The following KIAA1217 variants were observed in gnomAD, a reference collection of about 807,000 sequenced individuals.
The protein encoded by KIAA1217 is sickle tail protein homolog.
Under a neutral mutation model 163.9 loss-of-function variants are expected in KIAA1217, and 88 were observed. The ratio of observed to expected loss-of-function variants is 0.54; its 90% CI spans 0.45 to 0.64. The LOEUF (loss-of-function observed/expected upper bound fraction) is 0.64, where lower values mean the gene tolerates loss of function less well. Ranked by LOEUF, KIAA1217 falls within the 30% of genes least tolerant of loss-of-function variation. KIAA1217 has a pLI of 0.00. For synonymous variants in KIAA1217, 903 were observed against 923.1 expected, an observed-to-expected ratio of 0.98 and a Z score of 0.39; for missense variants, 2,372 against 2,475.0, an observed-to-expected ratio of 0.96 and a Z score of 0.88.
intron 1 of KIAA1217, among the ~76,000 whole-genome samples, chr10:23,734,547 C>T (rs528931837): frequency 6.6e-6 from 1 of 151,908 alleles, no homozygotes; most frequent in African/African-American, 2.4e-5. Flanking sequence ...CCTTGGCCTC[C>T]GAGAATGCTG....
intron 3 of KIAA1217, among the ~76,000 whole-genome samples, chr10:24,411,892 G>A (rs1200676042): frequency 6.6e-6 from 1 of 152,016 alleles, no homozygotes; most frequent in East Asian, 1.9e-4. Context: ...CGATCAGTAG[G>A]AAATCGCTAA....
intron 2 of KIAA1217, among the ~76,000 whole-genome samples, chr10:24,184,257 C>T (rs1321540158): frequency 6.6e-6 from 1 of 152,146 alleles, no homozygotes; most frequent in African/African-American, 2.4e-5. Flanking sequence ...GGCTGAATCC[C>T]AGTGGAATCA....
At chr10:24,227,449 G>A (rs1015564340) in intron 2 of KIAA1217, among the ~76,000 whole-genome samples, 8 of 152,010 alleles carry the variant, frequency 5.3e-5, no homozygotes, top group East Asian at 1.9e-4. Context: ...GTGAGCCACC[G>A]CACCTGGTCG....
intron 2 of KIAA1217, among the ~76,000 whole-genome samples, chr10:24,145,127 G>A (rs2064248831): frequency 1.3e-5 from 2 of 152,226 alleles, no homozygotes; most frequent in Admixed American, 1.3e-4. Flanking sequence ...TGCAAACAAA[G>A]TCTTCCTTGG....
chr10:23,767,692 G>A (rs1273170690), intron 1 of KIAA1217, among the ~76,000 whole-genome samples: 1 of 152,192 alleles, frequency 6.6e-6, no homozygotes, highest in Non-Finnish European at 1.5e-5. Context: ...TGGGCTGTGG[G>A]GAGGTGCCAT....
chr10:24,380,717 C>T, intron 2 of KIAA1217, 152 bp from the exon 3 acceptor site: 1 of 446,848 alleles, frequency 2.2e-6, no homozygotes, highest in Non-Finnish European at 3.8e-6. Flanking sequence ...CTTTGACCCA[C>T]TGGGTCTTTA....
intron 5 of KIAA1217, among the ~76,000 whole-genome samples, chr10:24,470,868 G>C (rs557322977): frequency 2.0e-5 from 3 of 152,252 alleles, no homozygotes; most frequent in African/African-American, 7.2e-5. Context: ...TACACCGCTG[G>C]ATCCTTCCAG....
chr10:24,082,091 T>C (rs1413083142), intron 2 of KIAA1217, among the ~76,000 whole-genome samples: 7 of 152,182 alleles, frequency 4.6e-5, no homozygotes, highest in Non-Finnish European at 8.8e-5. Context: ...CTGAAGGTGA[T>C]AGTGCTTTGT....
intron 2 of KIAA1217, among the ~76,000 whole-genome samples, chr10:24,311,441 G>A (rs541097968): frequency 2.0e-5 from 3 of 152,322 alleles, no homozygotes; most frequent in African/African-American, 2.4e-5. Flanking sequence ...AGGAATCAGC[G>A]ATGTTTGGCT....
intron 12 of KIAA1217, among the ~76,000 whole-genome samples, chr10:24,523,112 A>G (rs2071541154): frequency 6.6e-6 from 1 of 152,180 alleles, no homozygotes; most frequent in Non-Finnish European, 1.5e-5. Flanking sequence ...TGATCACACC[A>G]CTGCACTCCA....
At chr10:23,903,127 A>C (rs756316826) in intron 1 of KIAA1217, among the ~76,000 whole-genome samples, 16 of 152,102 alleles carry the variant, frequency 1.1e-4, no homozygotes, top group Admixed American at 6.5e-5. Flanking sequence ...CAAATACTGG[A>C]AATGGGAATG....
intron 3 of KIAA1217, among the ~76,000 whole-genome samples, chr10:24,430,856 T>G (rs1377964262): frequency 6.6e-6 from 1 of 152,222 alleles, no homozygotes; most frequent in African/African-American, 2.4e-5. Flanking sequence ...GCTCACTTCC[T>G]GCTATGTGGC....
chr10:24,133,568 T>A (rs1295734147), intron 2 of KIAA1217, among the ~76,000 whole-genome samples: 5 of 145,328 alleles, frequency 3.4e-5, no homozygotes, highest in African/African-American at 5.3e-5. Context: ...CGAGACTGTG[T>A]CTCAAAAAAA....
intron 2 of KIAA1217, among the ~76,000 whole-genome samples, chr10:24,298,526 A>T (rs1002377760): frequency 6.6e-6 from 1 of 152,170 alleles, no homozygotes; most frequent in Non-Finnish European, 1.5e-5. Flanking sequence ...AGCCGGGCGC[A>T]GTGGCTCACG....
rs776922242 is a variant in KIAA1217, at chr10:24,543,562, A to T, written c.4292A>T (p.Asn1431Ile). The T allele has an allele frequency of 6.2e-7, 1 of 1,614,014 alleles. No homozygotes were observed. ...EMTPRQEGTD[N>I]EDPVVCLDKK... ...ACCCCCCGACAAGAAGGGACTGACA[A>T]TGAGGATCCAGTCGTGTGCCTGGAC... Residue 1431 changes from asparagine (N) to isoleucine (I), a missense_variant, in exon 19 of 21, where the codon AAT (asparagine) becomes ATT (isoleucine). Physicochemically the swap from Asn to Ile is moderately radical, Grantham distance 149. This residue lies in a region of KIAA1217 where 690 missense variants were observed against 677.5 expected (regional missense o/e 1.02). Coordinates refer to ENST00000376454, the MANE Select transcript of KIAA1217 (RefSeq NM_019590.5).
chr10:24,134,420 T>C (rs2063762496), intron 2 of KIAA1217, among the ~76,000 whole-genome samples: 1 of 152,154 alleles, frequency 6.6e-6, no homozygotes, highest in African/African-American at 2.4e-5. Flanking sequence ...TAAGATATGC[T>C]TGAAACCTCA....
At chr10:23,854,617 TA>T (rs1426581709) in intron 1 of KIAA1217, among the ~76,000 whole-genome samples, 1 of 152,198 alleles carries the variant, frequency 6.6e-6, no homozygotes, top group Non-Finnish European at 1.5e-5. Flanking sequence ...AGTGGGGTGT[TA>T]AAGTCTCCCA....
rs114250417 is a variant in KIAA1217 at position 23,807,166 on chromosome 10, T to A, written c.-321+111932T>A. ...GCTCAGCGATTCATTTCAGCTGTGTTAGCTGCTCCTGTCTGCACAGGGCCT... is the reference window on the plus strand; with the variant it reads ...GCTCAGCGATTCATTTCAGCTGTGTAAGCTGCTCCTGTCTGCACAGGGCCT... On this transcript the variant is annotated intron_variant, in intron 1 of 18. Transcript: ENST00000376462. Among the ~76,000 whole-genome samples the A allele has an allele frequency of 9.5e-3, 1,443 of 152,348 alleles. 19 individuals carry two copies. Among genetic ancestry groups the A allele is most frequent in the African/African-American group, 0.033 (1,370 of 41,586 alleles).
chr10:23,705,516 T>C (rs576244028), intron 1 of KIAA1217, among the ~76,000 whole-genome samples: 4 of 152,160 alleles, frequency 2.6e-5, no homozygotes, highest in Non-Finnish European at 5.9e-5. Context: ...TAATCAAATT[T>C]TCTTGACAGC....
Sources: allele counts gnomAD v4.1 joint callset (sites outside exome capture counted in the v4.1 genomes callset), GRCh38; gene constraint gnomAD v4.1.1; regional missense constraint gnomAD v4.1.1; transcripts MANE v1.5; gene names NCBI Gene and HGNC (gene_info 2026-07-23, HGNC 2026-07-21).